PDE7B: variants seen among roughly 807,000 people sequenced by gnomAD.
The protein encoded by PDE7B is phosphodiesterase 7B.
A neutral mutation model predicts 56.2 loss-of-function variants in PDE7B; 29 were observed. The observed-to-expected ratio is 0.52, with a 90% CI of 0.38 to 0.70. The LOEUF is 0.70. Among genes scored for constraint, PDE7B ranks in the 30% least tolerant of loss-of-function variants. The pLI, the probability that PDE7B is intolerant of heterozygous loss-of-function variation, is 0.00. For synonymous variants in PDE7B, 197 were observed against 196.9 expected, an observed-to-expected ratio of 1.00 and a Z score of 0.00; for missense variants, 490 against 565.0, an observed-to-expected ratio of 0.87 and a Z score of 1.35.
chr6:136,052,617 G>GGGGGCCCCCCCCCCCCCCCCCC, intron 2 of PDE7B, among the ~76,000 whole-genome samples: 1 of 142,896 alleles, frequency 7.0e-6, no homozygotes, highest in Non-Finnish European at 1.5e-5. Context: ...TTAGGGTACA[G>GGGGGCCCCCCCCCCCCCCCCCC]CCCCCCCCCA....
intron 2 of PDE7B, among the ~76,000 whole-genome samples, chr6:135,999,363 C>G (rs987218262): frequency 6.6e-6 from 1 of 152,084 alleles, no homozygotes; most frequent in African/African-American, 2.4e-5. Context: ...TTTTGTCACT[C>G]AGGTACTAAA....
chr6:136,181,952 T>C (rs1291520005), intron 11 of PDE7B, among the ~76,000 whole-genome samples: 1 of 152,198 alleles, frequency 6.6e-6, no homozygotes, highest in Non-Finnish European at 1.5e-5. Flanking sequence ...GATCTTGATG[T>C]TGGGTGGGGT....
intron 8 of PDE7B, chr6:136,165,398 G>A (rs1778776961): frequency 3.3e-5 from 5 of 152,014 alleles, no homozygotes; most frequent in Admixed American, 3.3e-4. Flanking sequence ...TATAAATCAA[G>A]ACATTGAAAA....
At chr6:135,866,013 A>ATT (rs1237803490) in intron 1 of PDE7B, among the ~76,000 whole-genome samples, 1 of 152,146 alleles carries the variant, frequency 6.6e-6, no homozygotes, top group Non-Finnish European at 1.5e-5. Context: ...ACTTTGCTGT[A>ATT]TTTTATCTTG....
intron 1 of PDE7B, among the ~76,000 whole-genome samples, chr6:135,921,939 C>CT (rs1774090026): frequency 6.6e-6 from 1 of 152,078 alleles, no homozygotes; most frequent in Non-Finnish European, 1.5e-5. Flanking sequence ...CTGGAGTAGA[C>CT]TGAGAACAAG....
chr6:136,098,149 A>AAAAAAT (rs1311774244), intron 2 of PDE7B: 7 of 135,540 alleles, frequency 5.2e-5, no homozygotes, highest in African/African-American at 1.9e-4. Flanking sequence ...GGGGGGGGGA[A>AAAAAAT]ATATATGTAT....
chr6:136,092,343 G>A (rs1262061959), intron 2 of PDE7B, among the ~76,000 whole-genome samples: 1 of 152,192 alleles, frequency 6.6e-6, no homozygotes, highest in African/African-American at 2.4e-5. Flanking sequence ...AGATATGTTT[G>A]CAAAACTCCT....
chr6:136,077,528 T>C (rs542838420), intron 2 of PDE7B, among the ~76,000 whole-genome samples: 30 of 152,282 alleles, frequency 2.0e-4, no homozygotes, highest in African/African-American at 6.5e-4. Flanking sequence ...CTTTTTAAAC[T>C]ATGTACAGTA....
At chr6:136,002,671 C>A (rs1237146057) in intron 2 of PDE7B, among the ~76,000 whole-genome samples, 1 of 152,142 alleles carries the variant, frequency 6.6e-6, no homozygotes, top group Admixed American at 6.6e-5. Context: ...TATATATGCA[C>A]CCAATACAGG....
intron 8 of PDE7B, among the ~76,000 whole-genome samples, chr6:136,158,310 T>G: frequency 6.6e-6 from 1 of 152,112 alleles, no homozygotes; most frequent in South Asian, 2.1e-4. Flanking sequence ...AGTTGCAGAT[T>G]CTGAAAATGT....
intron 1 of PDE7B, among the ~76,000 whole-genome samples, chr6:135,853,266 C>T (rs139416788): frequency 1.3e-5 from 2 of 152,238 alleles, no homozygotes; most frequent in Admixed American, 6.5e-5. Context: ...CGATTTCAAA[C>T]ATGAGGTGTA....
intron 2 of PDE7B, among the ~76,000 whole-genome samples, chr6:135,992,210 T>TAA (rs11286794): frequency 2.1e-5 from 3 of 142,406 alleles, no homozygotes; most frequent in South Asian, 4.5e-4. Context: ...CCTGATGAGC[T>TAA]AAAAAAAAAA....
chr6:136,097,806 CTA>C (rs1298179467), intron 2 of PDE7B, among the ~76,000 whole-genome samples: 1 of 152,030 alleles, frequency 6.6e-6, no homozygotes, highest in Non-Finnish European at 1.5e-5. Flanking sequence ...GTTCTCCTTG[CTA>C]TGTCACACTT....
At chr6:136,158,173 T>A (rs1778642013) in intron 8 of PDE7B, among the ~76,000 whole-genome samples, 1 of 152,174 alleles carries the variant, frequency 6.6e-6, no homozygotes, top group African/African-American at 2.4e-5. Flanking sequence ...TTTTAGCCTC[T>A]CAAGGGCCCG....
intron 2 of PDE7B, among the ~76,000 whole-genome samples, chr6:135,977,083 G>C (rs1775198733): frequency 6.6e-6 from 1 of 152,084 alleles, no homozygotes; most frequent in African/African-American, 2.4e-5. Context: ...AGTGAGATGA[G>C]ACCAGCCAAG....
intron 2 of PDE7B, among the ~76,000 whole-genome samples, chr6:136,000,424 G>A (rs181561068): frequency 2.0e-4 from 30 of 152,212 alleles, no homozygotes; most frequent in Admixed American, 1.7e-3. Context: ...GTTGATTTTT[G>A]TATATAGCAT....
At chr6:135,915,562 G>T (rs905359160) in intron 1 of PDE7B, among the ~76,000 whole-genome samples, 4 of 151,950 alleles carry the variant, frequency 2.6e-5, no homozygotes, top group Non-Finnish European at 5.9e-5. Context: ...CCTTTTGGGG[G>T]GTATAATTCG....
At chr6:135,970,160 T>C (rs1442611717) in intron 2 of PDE7B, among the ~76,000 whole-genome samples, 1 of 152,164 alleles carries the variant, frequency 6.6e-6, no homozygotes, top group Admixed American at 6.5e-5. Context: ...TCATAAAGTT[T>C]ACACTTCATT....
chr6:135,980,314 G>T (rs1164976061), intron 2 of PDE7B, among the ~76,000 whole-genome samples: 1 of 152,120 alleles, frequency 6.6e-6, no homozygotes, highest in African/African-American at 2.4e-5. Context: ...AGACTTAAAT[G>T]TTAGACCTAA....
Sources: gnomAD v4.1 joint callset for allele counts (sites outside exome capture counted in the v4.1 genomes callset) on GRCh38, gnomAD v4.1.1 for gene constraint, MANE v1.5 for transcripts, NCBI Gene and HGNC (gene_info 2026-07-23, HGNC 2026-07-21) for gene names.